Variants in TCF4 observed in about 807,000 individuals in gnomAD.
The protein encoded by TCF4 is SL3-3 enhancer factor 2.
TCF4 carries 3 observed loss-of-function variants against 82.1 expected under a neutral mutation model. That is an observed-to-expected ratio of 0.04 (90% CI 0.02 to 0.09). TCF4 has a LOEUF of 0.09. Among genes scored for constraint, TCF4 ranks in the 10% least tolerant of loss-of-function variants. The pLI is 1.00. For synonymous variants in TCF4, 276 were observed against 309.6 expected, an observed-to-expected ratio of 0.89 and a Z score of 1.14; for missense variants, 518 against 852.7, an observed-to-expected ratio of 0.61 and a Z score of 4.89.
At chr18:55,511,378 A>G (rs1156512251) in intron 3 of TCF4, among the ~76,000 whole-genome samples, 2 of 151,166 alleles carry the variant, frequency 1.3e-5, no homozygotes, top group Non-Finnish European at 2.9e-5. Context: ...GGAAGCTGAA[A>G]ATACTTACCT....
At chr18:55,468,428 G>A (rs2096079660) in intron 3 of TCF4, among the ~76,000 whole-genome samples, 1 of 152,164 alleles carries the variant, frequency 6.6e-6, no homozygotes, top group African/African-American at 2.4e-5. Context: ...AAATATCTGT[G>A]AGCTCCCAAC....
At chr18:55,242,861 G>A (rs990977025) in intron 15 of TCF4, among the ~76,000 whole-genome samples, 3 of 152,144 alleles carry the variant, frequency 2.0e-5, no homozygotes, top group Non-Finnish European at 4.4e-5. Flanking sequence ...TCCCGCCTTG[G>A]CTTCCCAAAG....
chr18:55,269,408 A>G (rs2059869448), intron 11 of TCF4: 2 of 276,320 alleles, frequency 7.2e-6, no homozygotes. Context: ...CAGTCCTCGG[A>G]AGACAGTGGC....
At chr18:55,402,292 AGTC>A in intron 6 of TCF4, 1 of 911,276 alleles carries the variant, frequency 1.1e-6, no homozygotes, top group Non-Finnish European at 1.3e-6. Flanking sequence ...ACCCACCAGA[AGTC>A]GTACCTTCCT....
At chr18:55,370,103 G>A (rs572091659) in intron 6 of TCF4, among the ~76,000 whole-genome samples, 78 of 152,296 alleles carry the variant, frequency 5.1e-4, no homozygotes, top group African/African-American at 1.4e-3. Flanking sequence ...TCAATATTAC[G>A]TTAAAAAGAG....
Position 55,565,810 on chromosome 18 carries a change from A to G in TCF4, c.145+19470T>C, listed in dbSNP as rs1015306945. Among the ~76,000 whole-genome samples the G allele has an allele frequency of 4.6e-5, 7 of 152,216 alleles. No individual in the cohort carries two copies. The East Asian group carries it at 1.4e-3, about 29-fold the overall frequency. On this transcript the variant is annotated intron_variant, in intron 3 of 19. Coordinates refer to ENST00000354452, the MANE Select transcript of TCF4 (RefSeq NM_001083962.2). ...ATAAAATGATGTCTTTTGTAGTAACATGGATGAAACTGGAGGTCACTATCT... is the reference window on the plus strand; with the variant it reads ...ATAAAATGATGTCTTTTGTAGTAACGTGGATGAAACTGGAGGTCACTATCT...
At chr18:55,311,330 C>T (rs2072356838) in intron 8 of TCF4, among the ~76,000 whole-genome samples, 1 of 152,220 alleles carries the variant, frequency 6.6e-6, no homozygotes, top group Admixed American at 6.5e-5. Context: ...CCAACCTCAG[C>T]ACTTCTGAGG....
At chr18:55,620,929 GA>G (rs1210941722) in intron 2 of TCF4, among the ~76,000 whole-genome samples, 2 of 151,642 alleles carry the variant, frequency 1.3e-5, no homozygotes, top group African/African-American at 4.8e-5. Flanking sequence ...ATTTTCCTTA[GA>G]AAATTATAAT....
chr18:55,237,841 G>A (rs990631740), intron 15 of TCF4, among the ~76,000 whole-genome samples: 1 of 152,162 alleles, frequency 6.6e-6, no homozygotes, highest in Non-Finnish European at 1.5e-5. Flanking sequence ...TTCTAACCCT[G>A]TTTTCTTCTC....
intron 6 of TCF4, among the ~76,000 whole-genome samples, chr18:55,376,692 TG>T (rs1310741927): frequency 1.3e-5 from 2 of 152,188 alleles, no homozygotes; most frequent in African/African-American, 4.8e-5. Flanking sequence ...GACTTCACAC[TG>T]GCATGCCAAT....
At chr18:55,589,936 C>T (rs1176782033), upstream of TCF4, 6 of 653,970 alleles carry the variant, frequency 9.2e-6, no homozygotes, top group Non-Finnish European at 1.1e-5. Flanking sequence ...GCTGGTCGAC[C>T]ACGCCTCCTC....
At chr18:55,314,423 T>A (rs1251451770) in intron 8 of TCF4, among the ~76,000 whole-genome samples, 2 of 152,188 alleles carry the variant, frequency 1.3e-5, no homozygotes, top group Non-Finnish European at 2.9e-5. Flanking sequence ...GCAGAATTTA[T>A]CCTTTTTAAT....
intron 18 of TCF4, 132 bp from the exon 19 acceptor site, chr18:55,228,493 G>T: frequency 7.9e-7 from 1 of 1,272,190 alleles, no homozygotes; most frequent in Non-Finnish European, 1.1e-6. Flanking sequence ...CAGTTACTAA[G>T]TACTGTGGCA....
chr18:55,278,212 T>C (rs2061834485), intron 9 of TCF4, among the ~76,000 whole-genome samples: 1 of 152,196 alleles, frequency 6.6e-6, no homozygotes, highest in Admixed American at 6.5e-5. Flanking sequence ...TATATCAGGC[T>C]GCTTCCCTGG....
At chr18:55,418,807 G>C (rs553239634) in intron 5 of TCF4, among the ~76,000 whole-genome samples, 40 of 152,272 alleles carry the variant, frequency 2.6e-4, no homozygotes, top group Admixed American at 7.8e-4. Context: ...CAAGTTTATA[G>C]ATTATACATT....
intron 8 of TCF4, chr18:55,322,392 G>C: frequency 1.3e-6 from 1 of 765,084 alleles, no homozygotes; most frequent in Non-Finnish European, 1.5e-6. Flanking sequence ...CTGAGAACTC[G>C]ACTCGGAGAA....
intron 15 of TCF4, among the ~76,000 whole-genome samples, chr18:55,243,771 C>T (rs1221747590): frequency 6.6e-6 from 1 of 152,040 alleles, no homozygotes; most frequent in East Asian, 1.9e-4. Context: ...CAGAGTGTCC[C>T]ATTTAGAGTC....
chr18:55,540,340 A>G (rs1429404370), intron 3 of TCF4, among the ~76,000 whole-genome samples: 1 of 152,140 alleles, frequency 6.6e-6, no homozygotes, highest in Non-Finnish European at 1.5e-5. Context: ...TGTTTTCACT[A>G]ATTATGATAT....
intron 5 of TCF4, among the ~76,000 whole-genome samples, chr18:55,436,056 C>T (rs76716556): frequency 0.011 from 1,634 of 152,320 alleles, 55 homozygotes; most frequent in Admixed American, 0.066. Flanking sequence ...CACCTACCTA[C>T]ATCCAGAAAA....
Sources: allele counts gnomAD v4.1 joint callset (sites outside exome capture counted in the v4.1 genomes callset), GRCh38; gene constraint gnomAD v4.1.1; transcripts MANE v1.5; gene names NCBI Gene and HGNC (gene_info 2026-07-23, HGNC 2026-07-21).